The following TUSC3 variants were observed in gnomAD, a reference collection of about 807,000 sequenced individuals.
TUSC3 encodes the protein dolichyl-diphosphooligosaccharide--protein glycosyltransferase subunit TUSC3.
Under a neutral mutation model 44.8 loss-of-function variants are expected in TUSC3, and 45 were observed. The observed-to-expected ratio is 1.00, with a 90% CI of 0.79 to 1.29. TUSC3 has a LOEUF of 1.29. Ranked by LOEUF, TUSC3 falls within the 50% of genes most tolerant of loss-of-function variation. The pLI, the probability that TUSC3 is intolerant of heterozygous loss-of-function variation, is 0.00. For synonymous variants in TUSC3, 212 were observed against 152.9 expected, an observed-to-expected ratio of 1.39 and a Z score of -2.85; for missense variants, 519 against 437.9, an observed-to-expected ratio of 1.19 and a Z score of -1.65.
chr8:15,473,802 C>G (rs1418110012), intron 1 of TUSC3, among the ~76,000 whole-genome samples: 1 of 152,150 alleles, frequency 6.6e-6, no homozygotes, highest in African/African-American at 2.4e-5. Context: ...CAAGGCAAAA[C>G]AGAACTACTG....
chr8:15,632,434 C>A (rs539808753), intron 2 of TUSC3, among the ~76,000 whole-genome samples: 1 of 152,222 alleles, frequency 6.6e-6, no homozygotes, highest in East Asian at 1.9e-4. Context: ...TGTTCATATA[C>A]CAGTGCTGAG....
intron 2 of TUSC3, among the ~76,000 whole-genome samples, chr8:15,626,257 G>A (rs1406216685): frequency 6.6e-6 from 1 of 152,322 alleles, no homozygotes; most frequent in South Asian, 2.1e-4. Flanking sequence ...GGGGAATAGG[G>A]AGAAGCCAGA....
At chr8:15,537,558 G>C (rs1452208418), upstream of TUSC3, among the ~76,000 whole-genome samples, 1 of 152,152 alleles carries the variant, frequency 6.6e-6, no homozygotes, top group Admixed American at 6.5e-5. Flanking sequence ...AGTCAGGGAA[G>C]GAGGGTCAAC....
chr8:15,682,662 T>C (rs1253157206), intron 6 of TUSC3, among the ~76,000 whole-genome samples: 3 of 152,186 alleles, frequency 2.0e-5, no homozygotes, highest in Admixed American at 6.5e-5. Flanking sequence ...AATATTGATA[T>C]GTGAAGTTTT....
the TUSC3 span, among the ~76,000 whole-genome samples, chr8:15,850,065 T>C: frequency 2.6e-5 from 4 of 152,072 alleles, no homozygotes; most frequent in South Asian, 8.3e-4. Context: ...CTTGGTCCAA[T>C]TGTAGCTCTG....
At chr8:15,635,730 A>G (rs934917072) in intron 2 of TUSC3, among the ~76,000 whole-genome samples, 1 of 152,182 alleles carries the variant, frequency 6.6e-6, no homozygotes, top group Non-Finnish European at 1.5e-5. Flanking sequence ...GCTGCCCTGC[A>G]AGGTAAACAG....
upstream of TUSC3, among the ~76,000 whole-genome samples, chr8:15,539,376 A>G (rs1425335565): frequency 3.6e-5 from 3 of 82,562 alleles, no homozygotes; most frequent in African/African-American, 1.5e-4. Flanking sequence ...TTTTTGAGAC[A>G]GAGTCTCATT....
At chr8:15,563,701 A>G (rs1471100826) in intron 1 of TUSC3, among the ~76,000 whole-genome samples, 3 of 151,352 alleles carry the variant, frequency 2.0e-5, no homozygotes, top group Admixed American at 2.0e-4. Context: ...AAAAAAAAAA[A>G]AAAAGAACAA....
chr8:15,659,478 ATTTAGT>A (rs1563158574), intron 3 of TUSC3, 23 bp from the exon 4 acceptor site: 3 of 1,606,872 alleles, frequency 1.9e-6, no homozygotes, highest in Non-Finnish European at 1.7e-6. Flanking sequence ...ATGATCCTAT[ATTTAGT>A]ATTTTTTTCT....
At chr8:15,581,907 C>T (rs1171656086) in intron 1 of TUSC3, among the ~76,000 whole-genome samples, 1 of 144,320 alleles carries the variant, frequency 6.9e-6, no homozygotes, top group Non-Finnish European at 1.5e-5. Flanking sequence ...CCTCCCCCAG[C>T]CTCGCTGCCG....
chr8:15,741,694 TAAAA>T (rs573887591), intron 7 of TUSC3, among the ~76,000 whole-genome samples: 2 of 145,556 alleles, frequency 1.4e-5, no homozygotes, highest in African/African-American at 5.0e-5. Flanking sequence ...CTCTAAAAAT[TAAAA>T]AAAAAAAATT....
At chr8:15,811,314 C>T in the TUSC3 span, among the ~76,000 whole-genome samples, 1 of 152,150 alleles carries the variant, frequency 6.6e-6, no homozygotes, top group Non-Finnish European at 1.5e-5. Flanking sequence ...CGTCAATTGT[C>T]CACATCAAGT....
At chr8:15,638,291 T>G (rs1806185187) in intron 2 of TUSC3, among the ~76,000 whole-genome samples, 1 of 152,052 alleles carries the variant, frequency 6.6e-6, no homozygotes, top group Non-Finnish European at 1.5e-5. Context: ...TCCATTTACA[T>G]TTATATTCTG....
At chr8:15,801,712 T>G in the TUSC3 span, among the ~76,000 whole-genome samples, 1 of 152,094 alleles carries the variant, frequency 6.6e-6, no homozygotes, top group African/African-American at 2.4e-5. Flanking sequence ...TGGCAGTCCA[T>G]GTAGAACGTA....
At chr8:15,718,397 A>T (rs1810146649) in intron 6 of TUSC3, among the ~76,000 whole-genome samples, 1 of 152,112 alleles carries the variant, frequency 6.6e-6, no homozygotes, top group African/African-American at 2.4e-5. Context: ...TGGAAAGATA[A>T]ATTTGTTTGC....
At chr8:15,563,685 CAAAAAAAA>C (rs150368776) in intron 1 of TUSC3, among the ~76,000 whole-genome samples, 1 of 79,974 alleles carries the variant, frequency 1.3e-5, no homozygotes, top group Non-Finnish European at 2.2e-5. Flanking sequence ...GCCTCCATCT[CAAAAAAAA>C]AAAAAAAAAA....
chr8:15,641,321 A>G (rs566938508), intron 2 of TUSC3, among the ~76,000 whole-genome samples: 1 of 148,202 alleles, frequency 6.7e-6, no homozygotes, highest in African/African-American at 2.5e-5. Flanking sequence ...AGATTGTGCC[A>G]CTGCACTCCG....
intron 2 of TUSC3, among the ~76,000 whole-genome samples, chr8:15,518,789 C>A (rs1801255147): frequency 6.6e-6 from 1 of 151,142 alleles, no homozygotes; most frequent in Non-Finnish European, 1.5e-5. Context: ...TGCTAATAAT[C>A]CCTCTTGTTT....
intron 1 of TUSC3, among the ~76,000 whole-genome samples, chr8:15,459,801 C>T (rs1172055969): frequency 1.3e-5 from 2 of 151,798 alleles, no homozygotes; most frequent in African/African-American, 4.8e-5. Flanking sequence ...GCCATTAATT[C>T]ATTCCCTTTT....
Sources: gnomAD v4.1 joint callset for allele counts (sites outside exome capture counted in the v4.1 genomes callset) on GRCh38, gnomAD v4.1.1 for gene constraint, MANE v1.5 for transcripts, NCBI Gene and HGNC (gene_info 2026-07-23, HGNC 2026-07-21) for gene names.